Variants in GNPDA2 observed in about 807,000 individuals in gnomAD.
GNPDA2 encodes the protein glcN6P deaminase 2.
Under a neutral mutation model 27.0 loss-of-function variants are expected in GNPDA2, and 24 were observed. That is an observed-to-expected ratio of 0.89 (90% CI 0.64 to 1.25). The LOEUF (loss-of-function observed/expected upper bound fraction) is 1.25. GNPDA2 is among the 50% of genes most tolerant of loss of function. The pLI is 0.00. For missense variants in GNPDA2, 286 were observed against 335.1 expected (o/e 0.85, Z 1.14); for synonymous variants, 94 against 108.4 (o/e 0.87, Z 0.83).
intron 4 of GNPDA2, among the ~76,000 whole-genome samples, chr4:44,713,008 G>A (rs1717066911): frequency 6.6e-6 from 1 of 152,084 alleles, no homozygotes; most frequent in African/African-American, 2.4e-5. Flanking sequence ...GAAAGTAAGG[G>A]CTTTATCTTC....
intron 6 of GNPDA2, chr4:44,707,126 G>A (rs997752281): frequency 3.3e-5 from 5 of 152,022 alleles, no homozygotes; most frequent in African/African-American, 9.7e-5. Context: ...TCAAGCATAT[G>A]TGTTTTGTAA....
chr4:44,704,914 A>T, intron 6 of GNPDA2: 1 of 983,806 alleles, frequency 1.0e-6, no homozygotes, highest in Non-Finnish European at 1.2e-6. Context: ...GTTCTATTTA[A>T]AAAGCAAAAA....
chr4:44,726,361 C>T (rs1314787987), intron 1 of GNPDA2, 113 bp downstream of exon 1: 1 of 152,338 alleles, frequency 6.6e-6, no homozygotes, highest in Non-Finnish European at 1.5e-5. Context: ...CCATTCCGCC[C>T]CGGCCCGGCG....
At chr4:44,716,753 G>C (rs760560678) in intron 4 of GNPDA2, among the ~76,000 whole-genome samples, 3 of 151,856 alleles carry the variant, frequency 2.0e-5, no homozygotes, top group Non-Finnish European at 3.0e-5. Context: ...AGGCTGGCTA[G>C]AGTTTTAAAG....
intron 4 of GNPDA2, among the ~76,000 whole-genome samples, chr4:44,715,940 C>G (rs559143839): frequency 6.6e-6 from 1 of 152,080 alleles, no homozygotes; most frequent in Admixed American, 6.5e-5. Flanking sequence ...ACAATTATTT[C>G]CGCATTTACA....
chr4:44,723,212 C>T lies in GNPDA2; in HGVS notation c.-35-970G>A, dbSNP rs1464931747. On this transcript the variant is annotated intron_variant, in intron 1 of 6. Coordinates refer to ENST00000295448, the MANE Select transcript of GNPDA2 (RefSeq NM_138335.3). ...GGAAATCAGCATTCTTACAGTAACT[C>T]ACAGCTTCTGTTATCTGTAAGACAT... is the stretch of plus-strand genomic sequence containing the variant. 1.3e-5 allele frequency among the ~76,000 whole-genome samples: 2 copies of T among 152,086 alleles called. 1 individual carries two copies. Among genetic ancestry groups the T allele is most frequent in the Admixed American group, 1.3e-4 (2 of 15,272 alleles).
In GNPDA2 at chr4:44,707,887, G is replaced by C. The variant is rs1482523999; in HGVS notation, c.634C>G (p.Leu212Val). Residue 212 changes from leucine (L) to valine (V), a missense_variant, in exon 6 of 7, where the codon CTG (leucine) becomes GTG (valine). By Grantham distance (32) the Leu-to-Val change is conservative. Coordinates refer to ENST00000295448, the MANE Select transcript of GNPDA2 (RefSeq NM_138335.3). ...ACTCCTTCTTCTATTGCTTTGTACA[G>C]GGCAAATGCCTTGTGTGCCCCTGTT... ...LITGAHKAFALYKAIEEGVNH... is the reference protein window; with the variant it reads ...LITGAHKAFAVYKAIEEGVNH... 6.2e-7 allele frequency: 1 copy of C among 1,610,562 alleles called. No individual in the cohort carries two copies. Among genetic ancestry groups the C allele is most frequent in the Admixed American group, 1.7e-5 (1 of 59,782 alleles).
intron 1 of GNPDA2, among the ~76,000 whole-genome samples, chr4:44,726,258 C>CAT (rs1560366918): frequency 6.6e-6 from 1 of 152,132 alleles, no homozygotes; most frequent in East Asian, 1.9e-4. Context: ...GGGACGCCTT[C>CAT]TCCCGTAGGC....
In GNPDA2 at chr4:44,722,166, T is replaced by G. The variant is rs1166740245; in HGVS notation, c.42A>C (p.Glu14Asp). 2 of 1,612,546 alleles carry G rather than the reference T, an allele frequency of 1.2e-6. No individual in the cohort carries two copies. Among genetic ancestry groups the G allele is most frequent in the Admixed American group, 3.3e-5 (2 of 59,988 alleles). Residue 14 changes from glutamate to aspartate, a missense_variant, in exon 2 of 7, where the codon GAA becomes GAC. Coordinates refer to ENST00000295448, the MANE Select transcript of GNPDA2 (RefSeq NM_138335.3). Reference protein sequence around the residue: ...VILDNYDLASEWAAKYICNRI... With the variant: ...VILDNYDLASDWAAKYICNRI... ...GATTACAGATGTATTTGGCTGCCCATTCACTAGCCAAGTCATAGTTATCAA... is the reference window on the plus strand; with the variant it reads ...GATTACAGATGTATTTGGCTGCCCAGTCACTAGCCAAGTCATAGTTATCAA...
At position 44,702,102 on chromosome 4, in the gene GNPDA2, T is replaced by C. The variant is rs1716306650; in HGVS notation, c.*979A>G. On this transcript the variant is annotated 3_prime_UTR_variant, in exon 7 of 7. Coordinates refer to ENST00000295448, the MANE Select transcript of GNPDA2 (RefSeq NM_138335.3). ...TGCAGGTTCACATGTACTATAATTG[T>C]TGGGAGTCGAATGCATGTATTCTTC... 2.0e-6 allele frequency: 2 copies of C among 980,224 alleles called. No individual in the cohort carries two copies. The highest frequency in any genetic ancestry group is 2.4e-6 in the Non-Finnish European group (2 of 825,002). The allele number at this position is 980,224 out of a possible 1,614,324, so 60.7% of individuals were successfully genotyped here. A position where few individuals can be genotyped will look rare whatever the true frequency, so the allele number is the denominator to read the frequency against.
At chr4:44,718,477 CT>C in intron 2 of GNPDA2, 67 bp from the exon 3 acceptor site, 1 of 472,238 alleles carries the variant, frequency 2.1e-6, no homozygotes, top group Non-Finnish European at 3.7e-6. Context: ...TTTTTATTAA[CT>C]TTACCTGTGT....
rs374088761 is a variant in GNPDA2, at chr4:44,718,450, T to C, written c.125-40A>G. ...AATTCCATTTTCTAAAATGACTTAA[T>C]AATCTATTAAATAAACTTTTTATTA... On this transcript the variant is annotated intron_variant, in intron 2 of 6. Coordinates refer to ENST00000295448, the MANE Select transcript of GNPDA2 (RefSeq NM_138335.3). The C allele has an allele frequency of 4.9e-4, 322 of 654,238 alleles. 2 individuals carry two copies. In the African/African-American group the frequency reaches 5.5e-3, roughly 11 times the overall value. 40.5% of individuals were successfully genotyped at this position (654,238 alleles called of 1,614,324 possible).
chr4:44,722,025 T>A (rs1475672278), intron 2 of GNPDA2, 59 bp downstream of exon 2: 1 of 1,289,210 alleles, frequency 7.8e-7, no homozygotes, highest in East Asian at 2.3e-5. Context: ...ACCCTTCAAT[T>A]CCATCAGAAT....
At chr4:44,719,637 G>A (rs934108549) in intron 2 of GNPDA2, among the ~76,000 whole-genome samples, 4 of 151,994 alleles carry the variant, frequency 2.6e-5, no homozygotes, top group African/African-American at 9.6e-5. Context: ...TTTCTCGAAG[G>A]ATAAGTGAAT....
Position 44,702,169 on chromosome 4 carries a change from CTTTA to C in GNPDA2, c.*908_*911del, listed in dbSNP as rs147864324. 2,985 of 903,572 alleles carry C rather than the reference CTTTA, an allele frequency of 3.3e-3. 66 individuals carry two copies. In the African/African-American group the frequency reaches 0.049, roughly 15 times the overall value. The allele number at this position is 903,572 out of a possible 1,614,324, so 56.0% of individuals were successfully genotyped here. A position where few individuals can be genotyped will look rare whatever the true frequency, so the allele number is the denominator to read the frequency against. On this transcript the variant is annotated 3_prime_UTR_variant, in exon 7 of 7. Coordinates refer to ENST00000295448, the MANE Select transcript of GNPDA2 (RefSeq NM_138335.3). ...ATTTAGATAACTTATTTATTACACG[CTTTA>C]TTTGAGTTAAAGATAAAAAACAATA... is the stretch of plus-strand genomic sequence containing the variant.
chr4:44,702,988 C>T lies in GNPDA2; in HGVS notation c.*93G>A. The T allele has an allele frequency of 6.4e-7, 1 of 1,561,042 alleles. No individual in the cohort carries two copies. The highest frequency in any genetic ancestry group is 8.6e-7 in the Non-Finnish European group (1 of 1,162,894). The stretch of plus-strand genomic sequence containing the variant: ...GAAAAAATGACAATCTTCAAAATTC[C>T]CCATGTTTTGTCATATTGCATAGCT... On this transcript the variant is annotated 3_prime_UTR_variant, in exon 7 of 7. Transcript: ENST00000295448.
In GNPDA2 at chr4:44,704,371, A is replaced by G. The variant is rs566696770; in HGVS notation, c.770-1229T>C. On this transcript the variant is annotated intron_variant, in intron 6 of 6. Transcript: ENST00000295448. ...TTTGTAGAGGATCGTTTTTCTACTT[A>G]AATAGTATTCATCTGTCATTTGCTA... is the stretch of plus-strand genomic sequence containing the variant. 44 of 953,044 alleles carry G rather than the reference A, an allele frequency of 4.6e-5. No homozygotes were observed. The South Asian group carries it at 1.9e-3, about 41-fold the overall frequency. 59.0% of individuals were successfully genotyped at this position (953,044 alleles called of 1,614,324 possible).
In GNPDA2 at chr4:44,702,304, ATTAAGT is replaced by A; in HGVS notation, c.*771_*776del. On this transcript the variant is annotated 3_prime_UTR_variant, in exon 7 of 7. Transcript: ENST00000295448. ...TTATAAGGAATAAAGCTAATTGTATATTAAGTTTAACAATAATCAGAAAATATTCTC... is the reference window on the plus strand; with the variant it reads ...TTATAAGGAATAAAGCTAATTGTATATTAACAATAATCAGAAAATATTCTC... The A allele has an allele frequency of 1.5e-6, 1 of 668,802 alleles. No homozygotes were observed. The highest frequency in any genetic ancestry group is 1.4e-4 in the East Asian group (1 of 7,342). The allele number at this position is 668,802 out of a possible 1,614,324, so 41.4% of individuals were successfully genotyped here.
intron 6 of GNPDA2, chr4:44,704,808 T>A (rs1716486693): frequency 1.0e-6 from 1 of 982,530 alleles, no homozygotes; most frequent in Non-Finnish European, 1.2e-6. Context: ...CAAAATGAAC[T>A]CATTCTACCT....
Sources: allele counts gnomAD v4.1 joint callset (sites outside exome capture counted in the v4.1 genomes callset), GRCh38; gene constraint gnomAD v4.1.1; transcripts MANE v1.5; gene names NCBI Gene and HGNC (gene_info 2026-07-23, HGNC 2026-07-21).